The following FOCAD variants were observed in gnomAD, a reference collection of about 807,000 sequenced individuals.
The protein encoded by FOCAD is KIAA1797.
FOCAD carries 198 observed loss-of-function variants against 225.6 expected under a neutral mutation model. That is an observed-to-expected ratio of 0.88 (90% CI 0.78 to 0.99). The LOEUF (loss-of-function observed/expected upper bound fraction) is 0.99. FOCAD is among the 50% of genes least tolerant of loss of function. The pLI, the probability that FOCAD is intolerant of heterozygous loss-of-function variation, is 0.00. For missense variants in FOCAD, 2,713 were observed against 2,123.6 expected, an observed-to-expected ratio of 1.28 and a Z score of -5.46; for synonymous variants, 897 against 755.0, an observed-to-expected ratio of 1.19 and a Z score of -3.08.
chr9:20,893,130 A>T (rs1473261217), intron 21 of FOCAD, among the ~76,000 whole-genome samples: 2 of 152,074 alleles, frequency 1.3e-5, no homozygotes, highest in East Asian at 3.9e-4. Context: ...GGCCCAAGGG[A>T]TCCTTCCATC....
At chr9:20,675,949 T>C (rs1822219638) in intron 2 of FOCAD, among the ~76,000 whole-genome samples, 1 of 152,204 alleles carries the variant, frequency 6.6e-6, no homozygotes, top group Non-Finnish European at 1.5e-5. Context: ...CCTCTATGAA[T>C]CGTCTGCGTA....
chr9:20,740,409 A>G, intron 5 of FOCAD, 69 bp downstream of exon 5: 1 of 873,920 alleles, frequency 1.1e-6, no homozygotes, highest in Non-Finnish European at 1.8e-6. Flanking sequence ...CTGTGACATG[A>G]TAATCCAGTA....
chr9:20,727,040 A>G (rs1563919611), intron 4 of FOCAD, among the ~76,000 whole-genome samples: 1 of 152,104 alleles, frequency 6.6e-6, no homozygotes, highest in South Asian at 2.1e-4. Flanking sequence ...TTATATTTAT[A>G]TTGATATTAT....
intron 11 of FOCAD, among the ~76,000 whole-genome samples, chr9:20,795,652 C>T (rs1028721317): frequency 1.3e-5 from 2 of 151,588 alleles, no homozygotes; most frequent in African/African-American, 2.4e-5. Context: ...GGCGTGGTGG[C>T]GGGTGCCTGT....
At chr9:20,949,751 A>T in intron 33 of FOCAD, 76 bp downstream of exon 33, 1 of 1,224,646 alleles carries the variant, frequency 8.2e-7, no homozygotes, top group South Asian at 1.2e-5. Flanking sequence ...TACATGATAC[A>T]ACATGTTTTA....
intron 42 of FOCAD, 101 bp from the exon 43 acceptor site, chr9:20,993,152 G>A: frequency 2.2e-6 from 2 of 904,186 alleles, no homozygotes; most frequent in Non-Finnish European, 3.5e-6. Context: ...GGGAGGCTGA[G>A]GCAGGAAAAT....
intron 10 of FOCAD, among the ~76,000 whole-genome samples, chr9:20,783,370 T>A (rs974942465): frequency 6.6e-6 from 1 of 152,132 alleles, no homozygotes; most frequent in Non-Finnish European, 1.5e-5. Context: ...TAAGCCACAT[T>A]TTACTGTTGG....
intron 4 of FOCAD, among the ~76,000 whole-genome samples, chr9:20,724,786 A>T (rs1485757341): frequency 6.6e-6 from 1 of 152,172 alleles, no homozygotes; most frequent in Non-Finnish European, 1.5e-5. Flanking sequence ...CAAGCTAATT[A>T]AAAACAAGAC....
intron 14 of FOCAD, among the ~76,000 whole-genome samples, chr9:20,821,361 T>G (rs1824304896): frequency 6.6e-6 from 1 of 152,088 alleles, no homozygotes; most frequent in Non-Finnish European, 1.5e-5. Flanking sequence ...TGTTTTCTAT[T>G]TTTCTGTATA....
At chr9:20,923,968 G>C (rs548125235) in intron 25 of FOCAD, among the ~76,000 whole-genome samples, 200 bp downstream of exon 25, 2 of 152,218 alleles carry the variant, frequency 1.3e-5, no homozygotes, top group African/African-American at 4.8e-5. Context: ...TCACAGTTAA[G>C]TGGTCATTTC....
intron 15 of FOCAD, 141 bp downstream of exon 15, chr9:20,823,256 C>T (rs1824520162): frequency 1.1e-6 from 1 of 899,944 alleles, no homozygotes; most frequent in Non-Finnish European, 1.6e-6. Context: ...AAAAGTGAAG[C>T]AAGACCTACT....
intron 11 of FOCAD, among the ~76,000 whole-genome samples, chr9:20,792,841 A>T (rs1820675176): frequency 6.6e-6 from 1 of 152,178 alleles, no homozygotes; most frequent in South Asian, 2.1e-4. Flanking sequence ...ATATTATCAA[A>T]TGTAAAAGTT....
chr9:20,838,582 A>G (rs1464407044), intron 15 of FOCAD, among the ~76,000 whole-genome samples: 2 of 152,160 alleles, frequency 1.3e-5, no homozygotes, highest in Non-Finnish European at 2.9e-5. Context: ...TAACCTCAAT[A>G]GGAGTGCATT....
chr9:20,705,733 A>G (rs2131435945), intron 1 of FOCAD, among the ~76,000 whole-genome samples: 1 of 151,934 alleles, frequency 6.6e-6, no homozygotes, highest in East Asian at 1.9e-4. Flanking sequence ...TGGAAAAAAA[A>G]AAGTCAACTT....
At position 20,986,336 on chromosome 9, in the gene FOCAD, G is replaced by A; in HGVS notation, c.4777G>A (p.Gly1593Arg). Residue 1593 changes from glycine (G) to arginine (R), a missense_variant, in exon 40 of 44, where the codon GGA becomes AGA. Transcript: ENST00000338382. Reference sequence around the variant, plus strand: ...TGTCAAACTGTACTTAGTCTCTCAAGGACGATTCCCCTTGGTGAACCTGAC... The same window carrying A: ...TGTCAAACTGTACTTAGTCTCTCAAAGACGATTCCCCTTGGTGAACCTGAC... ...AFVKLYLVSQ[G>R]RFPLVNLTDM... The A allele has an allele frequency of 6.8e-7, 1 of 1,462,700 alleles. No homozygotes were observed. The highest frequency in any genetic ancestry group is 9.1e-7 in the Non-Finnish European group (1 of 1,097,340). The allele number at this position is 1,462,700 out of a possible 1,614,324, so 90.6% of individuals were successfully genotyped here. A position where few individuals can be genotyped will look rare whatever the true frequency, so the allele number is the denominator to read the frequency against.
chr9:20,835,322 C>A (rs1015735612), intron 15 of FOCAD, among the ~76,000 whole-genome samples: 1 of 151,984 alleles, frequency 6.6e-6, no homozygotes, highest in African/African-American at 2.4e-5. Context: ...AAGTAACATA[C>A]CCAAATTAAC....
intron 11 of FOCAD, among the ~76,000 whole-genome samples, chr9:20,798,578 G>T (rs898203642): frequency 6.6e-6 from 1 of 152,098 alleles, no homozygotes; most frequent in African/African-American, 2.4e-5. Context: ...AGTCTTGGGA[G>T]GATGTATGTG....
intron 11 of FOCAD, among the ~76,000 whole-genome samples, chr9:20,813,836 C>T (rs952402722): frequency 2.0e-5 from 3 of 152,128 alleles, no homozygotes; most frequent in African/African-American, 7.2e-5. Context: ...TTGAAATCAT[C>T]TACTATTACT....
intron 35 of FOCAD, among the ~76,000 whole-genome samples, chr9:20,962,409 TAC>T (rs993569522): frequency 4.7e-4 from 61 of 129,940 alleles, no homozygotes; most frequent in Non-Finnish European, 8.9e-4. Context: ...AATATATATA[TAC>T]ACACACACAT....
Sources: gnomAD v4.1 joint callset for allele counts (sites outside exome capture counted in the v4.1 genomes callset) on GRCh38, gnomAD v4.1.1 for gene constraint, MANE v1.5 for transcripts, NCBI Gene and HGNC (gene_info 2026-07-23, HGNC 2026-07-21) for gene names.